The following SMG1 variants were observed in gnomAD, a reference collection of about 807,000 sequenced individuals.
SMG1 encodes serine/threonine-protein kinase SMG1.
In SMG1, 22 loss-of-function variants were observed where a neutral mutation model predicts 419.9. The ratio of observed to expected loss-of-function variants is 0.05; its 90% confidence interval spans 0.04 to 0.07. The LOEUF (loss-of-function observed/expected upper bound fraction) is 0.07, where lower values mean the gene tolerates loss of function less well. Ranked by LOEUF, SMG1 falls within the 10% of genes least tolerant of loss-of-function variation. SMG1 has a pLI of 1.00. For missense variants in SMG1, 3,185 were observed against 4,342.0 expected (o/e 0.73, Z 7.49); for synonymous variants, 1,538 against 1,553.5 (o/e 0.99, Z 0.23).
intron 1 of SMG1, among the ~76,000 whole-genome samples, chr16:18,909,901 A>G (rs933706899): frequency 6.6e-6 from 1 of 152,170 alleles, no homozygotes; most frequent in African/African-American, 2.4e-5. Flanking sequence ...CAGTCTACAC[A>G]AACCCTATCT....
chr16:18,874,334 T>C (rs1226151956), intron 13 of SMG1, among the ~76,000 whole-genome samples: 2 of 151,688 alleles, frequency 1.3e-5, no homozygotes, highest in African/African-American at 2.4e-5. Flanking sequence ...AGGCGAGGTT[T>C]CACCATGTTG....
At chr16:18,818,003 G>A (rs1454040803) in intron 56 of SMG1, among the ~76,000 whole-genome samples, 7 of 151,334 alleles carry the variant, frequency 4.6e-5, no homozygotes, top group Non-Finnish European at 1.5e-5. Flanking sequence ...CTGGGCTCAA[G>A]CAATCCTACC....
At chr16:18,851,372 C>T (rs1183533667) in intron 33 of SMG1, among the ~76,000 whole-genome samples, 1 of 152,140 alleles carries the variant, frequency 6.6e-6, no homozygotes, top group Admixed American at 6.5e-5. Context: ...TGCACATTAG[C>T]ATCACCTAGT....
At chr16:18,858,145 C>G in intron 29 of SMG1, 25 bp downstream of exon 29, 1 of 1,525,834 alleles carries the variant, frequency 6.6e-7, no homozygotes, top group Non-Finnish European at 8.8e-7. Flanking sequence ...TTAATTTTCT[C>G]TTACAAGAAA....
intron 11 of SMG1, 93 bp from the exon 12 acceptor site, chr16:18,877,325 A>G (rs1222637479): frequency 1.0e-5 from 9 of 896,162 alleles, no homozygotes; most frequent in Non-Finnish European, 1.5e-5. Flanking sequence ...AAAGAAGCCA[A>G]TTGAAAAGGC....
intron 5 of SMG1, 133 bp downstream of exon 5, chr16:18,890,730 A>G (rs2036839981): frequency 1.6e-6 from 1 of 624,196 alleles, no homozygotes; most frequent in South Asian, 1.9e-5. Context: ...GCAGATAAAA[A>G]TGACAAGACC....
At chr16:18,835,623 T>C (rs992692960) in intron 48 of SMG1, among the ~76,000 whole-genome samples, 1 of 151,886 alleles carries the variant, frequency 6.6e-6, no homozygotes, top group Admixed American at 6.6e-5. Context: ...GAAATACAAT[T>C]GGCCAGGCGC....
intron 1 of SMG1, among the ~76,000 whole-genome samples, chr16:18,911,909 C>T (rs1049861679): frequency 4.0e-5 from 6 of 151,806 alleles, no homozygotes; most frequent in South Asian, 2.1e-4. Context: ...TGGTGAAACC[C>T]GTCTCTACTA....
At chr16:18,857,493 C>G (rs1358203004) in intron 29 of SMG1, 1 of 152,066 alleles carries the variant, frequency 6.6e-6, no homozygotes, top group Non-Finnish European at 1.5e-5. Context: ...AACTAAAATA[C>G]AAATGAAATA....
chr16:18,837,241 ACT>A lies in SMG1; in HGVS notation c.7604+10_7604+11del. 1.3e-6 allele frequency: 2 copies of A among 1,592,910 alleles called. No individual in the cohort carries two copies. Among genetic ancestry groups the A allele is most frequent in the Non-Finnish European group, 1.7e-6 (2 of 1,169,126 alleles). ...TGGCACATATTTAGAAGAATTCAAC[ACT>A]GTTTTAAACCTGTGTTGCAGAGTAT... On this transcript the variant is annotated intron_variant, in intron 46 of 62. Transcript: ENST00000446231.
rs188179472 is a variant in SMG1 at position 18,812,565 on chromosome 16, T to C, written c.10622-438A>G. The stretch of plus-strand genomic sequence containing the variant: ...GTGAACTATTTTATATATATATACA[T>C]ATATATACACACACATATATATACA... On this transcript the variant is annotated intron_variant, in intron 60 of 62. Coordinates refer to ENST00000446231, the MANE Select transcript of SMG1 (RefSeq NM_015092.5). 6.4e-3 allele frequency among the ~76,000 whole-genome samples: 970 copies of C among 150,718 alleles called. 5 individuals carry two copies. Among genetic ancestry groups the C allele is most frequent in the Middle Eastern group, 0.025 (7 of 280 alleles).
Position 18,842,292 on chromosome 16 carries a change from T to C in SMG1, c.6382A>G (p.Ile2128Val), listed in dbSNP as rs768125002. The C allele has an allele frequency of 6.2e-7, 1 of 1,614,022 alleles. No homozygotes were observed. The highest frequency in any genetic ancestry group is 1.1e-5 in the South Asian group (1 of 91,084). The part of the protein sequence containing the change: ...TVTIHSVGGT[I>V]TILPTKTKPK... ...TTGGTTTTAGTCGGTAAGATTGTGA[T>C]GGTTCCGCCCACACTATGGATTGTG... The change falls in exon 40 of 63, where the codon ATC becomes GTC. Residue 2128 changes from isoleucine to valine, a missense_variant. Transcript: ENST00000446231.
Position 18,926,275 on chromosome 16 carries a change from G to T in SMG1, c.-234C>A, listed in dbSNP as rs1049907506. On this transcript the variant is annotated 5_prime_UTR_variant, in exon 1 of 63. Coordinates refer to ENST00000446231, the MANE Select transcript of SMG1 (RefSeq NM_015092.5). ...AGGACGAGGAGGCGGGAGCGGCGCG[G>T]TGAGAGAGAGGCGGATGAAGGGGAG... 37 of 525,262 alleles carry T rather than the reference G, an allele frequency of 7.0e-5. No homozygotes were observed. The highest frequency in any genetic ancestry group is 3.9e-5 in the Admixed American group (1 of 25,378). The allele number at this position is 525,262 out of a possible 1,614,324, so 32.5% of individuals were successfully genotyped here. A position where few individuals can be genotyped will look rare whatever the true frequency, so the allele number is the denominator to read the frequency against.
intron 3 of SMG1, among the ~76,000 whole-genome samples, chr16:18,892,625 C>A (rs1345349822): frequency 6.6e-6 from 1 of 151,874 alleles, no homozygotes; most frequent in Non-Finnish European, 1.5e-5. Flanking sequence ...CCCAGCTACT[C>A]GGGAGGCTGA....
At chr16:18,874,903 CTTTTTTTTTTT>C (rs373817069) in intron 13 of SMG1, among the ~76,000 whole-genome samples, 1 of 94,568 alleles carries the variant, frequency 1.1e-5, no homozygotes, top group African/African-American at 4.0e-5. Context: ...AAAAAAAAGC[CTTTTTTTTTTT>C]TTTTTCCCCT....
chr16:18,888,134 C>T (rs1242126206), intron 6 of SMG1, among the ~76,000 whole-genome samples: 1 of 131,230 alleles, frequency 7.6e-6, no homozygotes, highest in Admixed American at 9.0e-5. Context: ...CACTGCACTC[C>T]AGGCTGGACA....
At chr16:18,898,667 T>C (rs1463937234) in intron 1 of SMG1, among the ~76,000 whole-genome samples, 1 of 152,186 alleles carries the variant, frequency 6.6e-6, no homozygotes, top group Non-Finnish European at 1.5e-5. Context: ...TCTTATTAGA[T>C]GAGCGAATAA....
At chr16:18,873,155 T>A (rs1366025503) in intron 13 of SMG1, among the ~76,000 whole-genome samples, 1 of 151,954 alleles carries the variant, frequency 6.6e-6, no homozygotes, top group Non-Finnish European at 1.5e-5. Flanking sequence ...ACTCTCTCTC[T>A]CAAAACAAAA....
chr16:18,899,199 C>G (rs117918864), intron 1 of SMG1, among the ~76,000 whole-genome samples: 14 of 151,982 alleles, frequency 9.2e-5, no homozygotes, highest in Admixed American at 1.3e-4. Context: ...CTGAAGAAAC[C>G]GGGTAATCTG....
Sources: allele counts gnomAD v4.1 joint callset (sites outside exome capture counted in the v4.1 genomes callset), GRCh38; gene constraint gnomAD v4.1.1; transcripts MANE v1.5; gene names NCBI Gene and HGNC (gene_info 2026-07-23, HGNC 2026-07-21).